The following RNF123 variants were observed in gnomAD, a reference collection of about 807,000 sequenced individuals.
RNF123 encodes the protein E3 ubiquitin-protein ligase RNF123.
Under a neutral mutation model 168.5 loss-of-function variants are expected in RNF123, and 86 were observed. The ratio of observed to expected loss-of-function variants is 0.51; its 90% CI spans 0.43 to 0.61. RNF123 has a LOEUF of 0.61. Ranked by LOEUF, RNF123 falls within the 20% of genes least tolerant of loss-of-function variation. The probability of loss-of-function intolerance (pLI) is 0.00; values close to 1 mark genes in which losing one functional copy is unlikely to be tolerated. For synonymous variants in RNF123, 666 were observed against 689.1 expected (o/e 0.97, Z 0.52); for missense variants, 1,419 against 1,729.7 (o/e 0.82, Z 3.19).
chr3:49,715,039 T>C (rs1019648093), intron 31 of RNF123, among the ~76,000 whole-genome samples: 13 of 152,032 alleles, frequency 8.6e-5, no homozygotes, highest in Non-Finnish European at 1.8e-4. Flanking sequence ...GGTGGGGAGG[T>C]GCGCCAGGCC....
In RNF123 at chr3:49,698,961, G is replaced by C. The variant is rs1255130230; in HGVS notation, c.639-19G>C. ...GCCACATGCTTAGCACTGGCTCACA[G>C]ACCCACCCTTCTCCCCAGGAACGGT... On this transcript the variant is annotated intron_variant, in intron 9 of 38. Coordinates refer to ENST00000327697, the MANE Select transcript of RNF123 (RefSeq NM_022064.5). The C allele has an allele frequency of 1.1e-5, 17 of 1,613,284 alleles. No individual in the cohort carries two copies. The highest frequency in any genetic ancestry group is 1.4e-5 in the Non-Finnish European group (17 of 1,179,694).
intron 35 of RNF123, chr3:49,718,543 C>T (rs1237596292): frequency 1.2e-6 from 2 of 1,613,062 alleles, no homozygotes; most frequent in Non-Finnish European, 1.7e-6. Flanking sequence ...CCAGGCAATG[C>T]GCATGGCCGG....
intron 15 of RNF123, among the ~76,000 whole-genome samples, chr3:49,701,091 T>C (rs2054373138): frequency 6.6e-6 from 1 of 152,268 alleles, no homozygotes; most frequent in African/African-American, 2.4e-5. Context: ...AGTGAGAGCA[T>C]AGCTTTGAGC....
At chr3:49,714,470 C>G (rs1012381911) in intron 31 of RNF123, among the ~76,000 whole-genome samples, 2 of 152,228 alleles carry the variant, frequency 1.3e-5, no homozygotes, top group Non-Finnish European at 2.9e-5. Context: ...TCCTGGCCTG[C>G]TACAGCTCAT....
In RNF123 at chr3:49,698,084, C is replaced by G; in HGVS notation, c.430C>G (p.Gln144Glu). Reference protein sequence around the residue: ...KWLYEVLISSQGLMQIGWCTI... With the variant: ...KWLYEVLISSEGLMQIGWCTI... ...GCTCTACGAGGTCCTCATCTCCTCC[C>G]AGGGGCTCATGCAGATCGGCTGGTG... The change falls in exon 7 of 39, where the codon CAG becomes GAG. Residue 144 changes from glutamine (Q) to glutamate (E), a missense_variant. Coordinates refer to ENST00000327697, the MANE Select transcript of RNF123 (RefSeq NM_022064.5). 1 of 1,614,078 alleles carries G rather than the reference C, an allele frequency of 6.2e-7. No homozygotes were observed. The highest frequency in any genetic ancestry group is 8.5e-7 in the Non-Finnish European group (1 of 1,179,970).
Position 49,699,232 on chromosome 3 carries a change from G to T in RNF123, c.764+127G>T. 1 of 1,323,160 alleles carries T rather than the reference G, an allele frequency of 7.6e-7. No individual in the cohort carries two copies. The highest frequency in any genetic ancestry group is 2.4e-5 in the East Asian group (1 of 41,840). The allele number at this position is 1,323,160 out of a possible 1,614,324, so 82.0% of individuals were successfully genotyped here. A position where few individuals can be genotyped will look rare whatever the true frequency, so the allele number is the denominator to read the frequency against. ...CTGGCTGCTGCAGAGTTAGTGGGGG[G>T]CCATGTAGAGTGTCGAAGAAAACTT... On this transcript the variant is annotated intron_variant, in intron 10 of 38. Transcript: ENST00000327697. This position sits in a 1 kb window ranked among gnomAD's most constrained non-coding sequence, Gnocchi z 4.8.
chr3:49,690,700 C>G (rs527967674), intron 1 of RNF123, among the ~76,000 whole-genome samples: 1 of 152,274 alleles, frequency 6.6e-6, no homozygotes, highest in South Asian at 2.1e-4. Context: ...CAGTGGTGGT[C>G]TGCACTTGGG....
intron 35 of RNF123, chr3:49,719,731 G>C: frequency 2.4e-6 from 1 of 416,660 alleles, no homozygotes; most frequent in Admixed American, 4.1e-5. Context: ...CAGGGGCGGG[G>C]CCCGGGCTCC....
intron 35 of RNF123, chr3:49,718,692 C>T (rs2080310110): frequency 6.2e-7 from 1 of 1,612,966 alleles, no homozygotes; most frequent in East Asian, 2.2e-5. Context: ...GCACGCGGGA[C>T]GCGGGTACCT....
intron 2 of RNF123, 70 bp downstream of exon 2, chr3:49,691,317 C>T: frequency 5.7e-6 from 9 of 1,581,030 alleles, no homozygotes; most frequent in Non-Finnish European, 7.8e-6. Context: ...AGGCCTCAGG[C>T]CTTGCTGCAC....
rs2080190010 is a variant in RNF123 at position 49,713,833 on chromosome 3, G to A, written c.2837+8G>A. On this transcript the variant is annotated splice_region_variant and intron_variant, in intron 29 of 38. Transcript: ENST00000327697. ...GCGAATCCCCGAGGAGCAGTGAGTG[G>A]GGCCTGGGGGGCACACACCCTGGCC... 6.2e-7 allele frequency: 1 copy of A among 1,613,110 alleles called. No individual in the cohort carries two copies. The highest frequency in any genetic ancestry group is 1.1e-5 in the South Asian group (1 of 91,052).
chr3:49,698,505 G>T lies in RNF123; in HGVS notation c.549G>T (p.Val183=). The change falls in exon 8 of 39, where the codon GTG becomes GTT. Residue 183 remains valine, a synonymous_variant. Transcript: ENST00000327697. ...YDGNRVRKWN[V]TTTNYGKAWA... ...GCAACCGCGTGCGCAAGTGGAATGT[G>T]ACCACAACGAATTATGGCAAGGTGA... 6.2e-7 allele frequency: 1 copy of T among 1,613,894 alleles called. No homozygotes were observed. The highest frequency in any genetic ancestry group is 8.5e-7 in the Non-Finnish European group (1 of 1,180,014).
At chr3:49,719,541 G>A in intron 35 of RNF123, 1 of 1,280,758 alleles carries the variant, frequency 7.8e-7, no homozygotes, top group South Asian at 1.4e-5. Flanking sequence ...TTCTGCTCTA[G>A]TGCGACATGG....
At position 49,699,867 on chromosome 3, in the gene RNF123, A is replaced by G; in HGVS notation, c.984+95A>G. 1 of 1,260,592 alleles carries G rather than the reference A, an allele frequency of 7.9e-7. No individual in the cohort carries two copies. The highest frequency in any genetic ancestry group is 1.1e-6 in the Non-Finnish European group (1 of 881,892). The allele number at this position is 1,260,592 out of a possible 1,614,324, so 78.1% of individuals were successfully genotyped here. ...GCCCTCACTGAGGGCTGCAGTGCTG[A>G]GGTCCCACAGCATCACCTGGCGAGG... On this transcript the variant is annotated intron_variant, in intron 12 of 38. Transcript: ENST00000327697. The surrounding 1 kb of genome is among the most constrained non-coding windows in gnomAD (Gnocchi z 4.8).
At position 49,705,053 on chromosome 3, in the gene RNF123, A is replaced by C. The variant is rs755748908; in HGVS notation, c.2029A>C (p.Thr677Pro). The C allele has an allele frequency of 5.0e-6, 8 of 1,611,582 alleles. No homozygotes were observed. Among genetic ancestry groups the C allele is most frequent in the Non-Finnish European group, 6.8e-6 (8 of 1,179,278 alleles). The change falls in exon 23 of 39, where the codon ACT (threonine) becomes CCT (proline). Residue 677 changes from threonine to proline, a missense_variant. By Grantham distance (38) the Thr-to-Pro change is conservative. Transcript: ENST00000327697. ...LPRPGWLSSP[T>P]LGRANRFLST... ...CCGGCCCGGCTGGCTCAGTTCTCCA[A>C]CTTTGGGCCGAGCCAACCGCTTCCT... is the stretch of plus-strand genomic sequence containing the variant.
Position 49,720,530 on chromosome 3 carries a change from G to A in RNF123, c.3520G>A (p.Val1174Met). ...PASEREQATS[V>M]LLADPCFQLR... ...ACCTAGGAGAGAGCAAGCCACATCA[G>A]TGCTCCTGGCAGATCCCTGCTTCCA... The change falls in exon 36 of 39, where the codon GTG becomes ATG. Residue 1174 changes from valine to methionine, a missense_variant. Coordinates refer to ENST00000327697, the MANE Select transcript of RNF123 (RefSeq NM_022064.5). 6.2e-7 allele frequency: 1 copy of A among 1,601,052 alleles called. No homozygotes were observed. The highest frequency in any genetic ancestry group is 8.5e-7 in the Non-Finnish European group (1 of 1,172,432).
intron 26 of RNF123, among the ~76,000 whole-genome samples, chr3:49,707,419 G>T (rs2054540548): frequency 6.6e-6 from 1 of 152,204 alleles, no homozygotes; most frequent in South Asian, 2.1e-4. Flanking sequence ...AGAAAGATGA[G>T]CCTCTGCCTT....
chr3:49,706,094 C>T (rs753870526), intron 25 of RNF123, 29 bp downstream of exon 25: 3 of 1,596,040 alleles, frequency 1.9e-6, no homozygotes, highest in Admixed American at 3.3e-5. Context: ...TGGTGAGGGG[C>T]AGCTTGCTTA....
At chr3:49,695,323 C>T (rs1294240068) in intron 3 of RNF123, among the ~76,000 whole-genome samples, 1 of 151,982 alleles carries the variant, frequency 6.6e-6, no homozygotes, top group African/African-American at 2.4e-5. Flanking sequence ...TGGTCTCAAA[C>T]CCCTGGGCTC....
Sources: gnomAD v4.1 joint callset for allele counts (sites outside exome capture counted in the v4.1 genomes callset) on GRCh38, gnomAD v4.1.1 for gene constraint, Gnocchi (gnomAD v3.1) non-coding constraint, MANE v1.5 for transcripts, NCBI Gene and HGNC (gene_info 2026-07-23, HGNC 2026-07-21) for gene names.